The following SCLT1 variants were observed in gnomAD, a reference collection of about 807,000 sequenced individuals.
SCLT1 encodes sodium channel and clathrin linker 1.
Under a neutral mutation model 112.8 loss-of-function variants are expected in SCLT1, and 78 were observed. The ratio of observed to expected loss-of-function variants is 0.69; its 90% CI spans 0.58 to 0.83. The LOEUF (loss-of-function observed/expected upper bound fraction) is 0.83. Ranked by LOEUF, SCLT1 falls within the 40% of genes least tolerant of loss-of-function variation. The probability of loss-of-function intolerance (pLI) is 0.00; values close to 1 mark genes in which losing one functional copy is unlikely to be tolerated. For missense variants in SCLT1, 747 were observed against 770.4 expected (o/e 0.97, Z 0.36); for synonymous variants, 257 against 254.7 (o/e 1.01, Z -0.09).
At chr4:128,998,357 T>G (rs1181809800) in intron 7 of SCLT1, among the ~76,000 whole-genome samples, 2 of 151,938 alleles carry the variant, frequency 1.3e-5, no homozygotes, top group Non-Finnish European at 2.9e-5. Flanking sequence ...TGCCCACCTT[T>G]TTTAAAAACA....
chr4:128,984,570 GA>G (rs1446560964), intron 9 of SCLT1, among the ~76,000 whole-genome samples: 1 of 151,818 alleles, frequency 6.6e-6, no homozygotes, highest in Non-Finnish European at 1.5e-5. Flanking sequence ...TTCCTATATA[GA>G]TTTTTTTATA....
At chr4:128,903,191 T>C (rs4432757) in intron 18 of SCLT1, among the ~76,000 whole-genome samples, 107,910 of 152,144 alleles carry the variant, frequency 0.71, 38,382 homozygotes, top group African/African-American at 0.76. Context: ...CTATACATAA[T>C]TGCATATGCT....
intron 5 of SCLT1, among the ~76,000 whole-genome samples, chr4:129,022,526 C>T (rs946021024): frequency 1.3e-5 from 2 of 151,992 alleles, no homozygotes; most frequent in African/African-American, 4.8e-5. Flanking sequence ...CCAAATCGAT[C>T]AAATGGAAGA....
intron 1 of SCLT1, among the ~76,000 whole-genome samples, chr4:129,084,975 A>G (rs923218176): frequency 1.3e-5 from 2 of 152,226 alleles, no homozygotes; most frequent in African/African-American, 4.8e-5. Context: ...AGGTTTCATG[A>G]CAAAAATGCC....
chr4:129,019,871 A>G (rs1198242862), intron 5 of SCLT1, among the ~76,000 whole-genome samples: 2 of 148,820 alleles, frequency 1.3e-5, no homozygotes, highest in African/African-American at 4.9e-5. Flanking sequence ...TTAATCATAC[A>G]CATTTTTTTT....
chr4:129,058,634 ATATC>A (rs1749670691), intron 2 of SCLT1, among the ~76,000 whole-genome samples: 1 of 152,164 alleles, frequency 6.6e-6, no homozygotes, highest in African/African-American at 2.4e-5. Flanking sequence ...GCCTAATATG[ATATC>A]TCATGGAGAA....
chr4:128,968,142 G>A (rs997713875), intron 10 of SCLT1, among the ~76,000 whole-genome samples: 2 of 152,118 alleles, frequency 1.3e-5, no homozygotes, highest in African/African-American at 2.4e-5. Context: ...GAAGTTTTCA[G>A]CCATTATTTC....
At chr4:129,021,104 T>G (rs1162773216) in intron 5 of SCLT1, among the ~76,000 whole-genome samples, 1 of 152,054 alleles carries the variant, frequency 6.6e-6, no homozygotes. Flanking sequence ...CCATGGAGGA[T>G]GAACAGAAGT....
At chr4:128,931,945 TC>T (rs1736805905) in intron 18 of SCLT1, among the ~76,000 whole-genome samples, 2 of 91,746 alleles carry the variant, frequency 2.2e-5, no homozygotes, top group African/African-American at 8.8e-5. Flanking sequence ...TATATTTCTA[TC>T]CCTTTTTTTT....
At chr4:128,936,574 A>C in intron 18 of SCLT1, 81 bp downstream of exon 18, 4 of 785,292 alleles carry the variant, frequency 5.1e-6, no homozygotes, top group Middle Eastern at 3.0e-4. Context: ...ATTTTTTAAA[A>C]AAGATTATGG....
intron 4 of SCLT1, among the ~76,000 whole-genome samples, chr4:129,042,299 T>C (rs1747766691): frequency 6.6e-6 from 1 of 152,120 alleles, no homozygotes; most frequent in Admixed American, 6.5e-5. Flanking sequence ...TAGGGGAAAA[T>C]GTTAAAAGAC....
chr4:128,990,834 T>C (rs1392852795), intron 9 of SCLT1, among the ~76,000 whole-genome samples: 1 of 138,736 alleles, frequency 7.2e-6, no homozygotes, highest in Non-Finnish European at 1.6e-5. Flanking sequence ...CCATTTACAA[T>C]AGCTACAAAT....
intron 1 of SCLT1, among the ~76,000 whole-genome samples, chr4:129,085,399 T>C (rs924000192): frequency 2.0e-5 from 3 of 152,154 alleles, no homozygotes; most frequent in Non-Finnish European, 4.4e-5. Context: ...AAAAGGAACA[T>C]TTATACATTT....
intron 2 of SCLT1, among the ~76,000 whole-genome samples, chr4:129,075,024 T>C (rs1418510737): frequency 6.6e-6 from 1 of 152,256 alleles, no homozygotes; most frequent in East Asian, 1.9e-4. Context: ...GCTCTCCAGA[T>C]GACTCCCTGA....
chr4:128,948,266 G>A (rs1400410505), intron 15 of SCLT1, among the ~76,000 whole-genome samples: 1 of 149,946 alleles, frequency 6.7e-6, no homozygotes, highest in African/African-American at 2.5e-5. Flanking sequence ...AACCCGGGAG[G>A]TGGAGGTTGC....
At chr4:128,955,176 T>C (rs1739119001) in intron 13 of SCLT1, among the ~76,000 whole-genome samples, 1 of 152,192 alleles carries the variant, frequency 6.6e-6, no homozygotes, top group Non-Finnish European at 1.5e-5. Flanking sequence ...ATGTAAACTT[T>C]TGTCATGTGA....
chr4:128,924,930 T>C (rs1475717798), intron 18 of SCLT1, among the ~76,000 whole-genome samples: 1 of 152,170 alleles, frequency 6.6e-6, no homozygotes, highest in African/African-American at 2.4e-5. Context: ...TTTTACTTTC[T>C]CTCTTTCAAC....
intron 18 of SCLT1, among the ~76,000 whole-genome samples, chr4:128,907,874 T>A (rs1734803861): frequency 6.6e-6 from 1 of 152,150 alleles, no homozygotes; most frequent in Non-Finnish European, 1.5e-5. Context: ...TTTGAAAACA[T>A]CACACATACT....
chr4:129,030,846 C>T (rs954262403), intron 5 of SCLT1, among the ~76,000 whole-genome samples: 1 of 151,968 alleles, frequency 6.6e-6, no homozygotes, highest in African/African-American at 2.4e-5. Context: ...AAGCCCAGGA[C>T]CAGACAGATT....
Sources: gnomAD v4.1 joint callset for allele counts (sites outside exome capture counted in the v4.1 genomes callset) on GRCh38, gnomAD v4.1.1 for gene constraint, MANE v1.5 for transcripts, NCBI Gene and HGNC (gene_info 2026-07-23, HGNC 2026-07-21) for gene names.